GRID2: variants seen among roughly 807,000 people sequenced by gnomAD.
GRID2 encodes glutamate ionotropic receptor delta type subunit 2.
Under a neutral mutation model 114.8 loss-of-function variants are expected in GRID2, and 33 were observed. The ratio of observed to expected loss-of-function variants is 0.29; its 90% CI spans 0.22 to 0.38. The LOEUF (loss-of-function observed/expected upper bound fraction) is 0.38, where lower values mean the gene tolerates loss of function less well. Among genes scored for constraint, GRID2 ranks in the 10% least tolerant of loss-of-function variants. The pLI is 1.00. For missense variants in GRID2, 1,184 were observed against 1,257.7 expected (o/e 0.94, Z 0.89); for synonymous variants, 505 against 449.9 (o/e 1.12, Z -1.55).
chr4:92,779,194 GTGTGTGTGTGTGTGTA>G (rs1343153091), intron 2 of GRID2, among the ~76,000 whole-genome samples: 1 of 150,364 alleles, frequency 6.7e-6, no homozygotes, highest in African/African-American at 2.4e-5. Flanking sequence ...AAATGTGTGT[GTGTGTGTGTGTGTGTA>G]TGTGTGTGTG....
At chr4:93,406,467 G>A (rs185213386) in intron 9 of GRID2, among the ~76,000 whole-genome samples, 2 of 152,212 alleles carry the variant, frequency 1.3e-5, no homozygotes, top group South Asian at 2.1e-4. Context: ...AGAGGGAGCT[G>A]AGCAGGAAAA....
In GRID2 at chr4:92,842,043, C is replaced by T. The variant is rs533711299; in HGVS notation, c.245-242952C>T. 1.6e-4 allele frequency among the ~76,000 whole-genome samples: 24 copies of T among 152,116 alleles called. No individual in the cohort carries two copies. In the South Asian group the frequency reaches 4.4e-3, roughly 28 times the overall value. On this transcript the variant is annotated intron_variant, in intron 2 of 15. Coordinates refer to ENST00000282020, the MANE Select transcript of GRID2 (RefSeq NM_001510.4). Reference sequence around the variant, plus strand: ...GCAGTGTTTGCAACTTTACAAAACCCCTTAGGAAAAATCTAGGTGTCATCT... The same window carrying T: ...GCAGTGTTTGCAACTTTACAAAACCTCTTAGGAAAAATCTAGGTGTCATCT...
At chr4:93,348,274 G>C (rs755915349) in intron 8 of GRID2, among the ~76,000 whole-genome samples, 2 of 152,044 alleles carry the variant, frequency 1.3e-5, no homozygotes, top group Non-Finnish European at 2.9e-5. Flanking sequence ...TCATACACAT[G>C]TTATTGAAGG....
intron 14 of GRID2, among the ~76,000 whole-genome samples, chr4:93,699,328 C>A (rs1161795645): frequency 6.6e-6 from 1 of 151,892 alleles, no homozygotes; most frequent in Non-Finnish European, 1.5e-5. Context: ...CCCCAATTAA[C>A]CTTTTTAAAA....
At chr4:93,312,891 T>C (rs993260307) in intron 8 of GRID2, among the ~76,000 whole-genome samples, 1 of 152,172 alleles carries the variant, frequency 6.6e-6, no homozygotes, top group Non-Finnish European at 1.5e-5. Flanking sequence ...GAAGTTTCAT[T>C]AATAACTATA....
chr4:92,780,175 A>G (rs1354688315), intron 2 of GRID2, among the ~76,000 whole-genome samples: 1 of 152,168 alleles, frequency 6.6e-6, no homozygotes, highest in Non-Finnish European at 1.5e-5. Flanking sequence ...AATAGAGCAA[A>G]TAGTGGATAA....
intron 5 of GRID2, among the ~76,000 whole-genome samples, chr4:93,208,122 A>G (rs1000468238): frequency 1.3e-5 from 2 of 151,994 alleles, no homozygotes; most frequent in African/African-American, 2.4e-5. Context: ...TTTTTCCTCA[A>G]CAAGATGTAG....
intron 8 of GRID2, among the ~76,000 whole-genome samples, chr4:93,332,575 A>G (rs972531595): frequency 1.3e-5 from 2 of 152,132 alleles, no homozygotes; most frequent in East Asian, 1.9e-4. Context: ...TCCCTGTAGT[A>G]TCTACAAGAG....
rs1269371882 is a variant in GRID2, at chr4:92,365,927, A to C, written c.88+61183A>C. Among the ~76,000 whole-genome samples the C allele has an allele frequency of 3.3e-5, 5 of 152,048 alleles. No individual in the cohort carries two copies. The South Asian group carries it at 8.3e-4, about 25-fold the overall frequency. ...CCTCATTTACAAGAGCTGTTTCCTCATCTGAGAAATGAGAATAATAAAAAG... is the reference window on the plus strand; with the variant it reads ...CCTCATTTACAAGAGCTGTTTCCTCCTCTGAGAAATGAGAATAATAAAAAG... On this transcript the variant is annotated intron_variant, in intron 1 of 15. Coordinates refer to ENST00000282020, the MANE Select transcript of GRID2 (RefSeq NM_001510.4).
intron 1 of GRID2, among the ~76,000 whole-genome samples, chr4:92,353,624 T>G (rs1728178875): frequency 1.3e-5 from 2 of 152,034 alleles, no homozygotes; most frequent in African/African-American, 4.8e-5. Flanking sequence ...AGAAGTTTTC[T>G]TGAACACCAG....
At position 93,647,718 on chromosome 4, in the gene GRID2, G is replaced by A. The variant is rs902040447; in HGVS notation, c.2360+21283G>A. Among the ~76,000 whole-genome samples the A allele has an allele frequency of 2.0e-5, 3 of 152,072 alleles. 1 individual carries two copies. Among genetic ancestry groups the A allele is most frequent in the South Asian group, 4.1e-4 (2 of 4,832 alleles). ...TGATGGCTTAGACTGTGTACCTAAT[G>A]GGATGGAAGAAATGTTGGAAGGTAT... On this transcript the variant is annotated intron_variant, in intron 14 of 15. Coordinates refer to ENST00000282020, the MANE Select transcript of GRID2 (RefSeq NM_001510.4).
At chr4:92,319,019 C>T (rs899023923) in intron 1 of GRID2, among the ~76,000 whole-genome samples, 20 of 151,990 alleles carry the variant, frequency 1.3e-4, no homozygotes, top group African/African-American at 4.8e-4. Context: ...TGGCATATTT[C>T]GTGTTTTGAA....
At chr4:92,595,986 G>A (rs1474363223) in intron 2 of GRID2, among the ~76,000 whole-genome samples, 1 of 152,042 alleles carries the variant, frequency 6.6e-6, no homozygotes, top group Non-Finnish European at 1.5e-5. Context: ...GCTTTAATAT[G>A]ACATTTTTAC....
At chr4:93,093,923 A>G (rs62308207) in intron 3 of GRID2, among the ~76,000 whole-genome samples, 11,464 of 152,100 alleles carry the variant, frequency 0.075, 925 homozygotes, top group African/African-American at 0.2. Context: ...AGTAGCTACT[A>G]TCAAGTTCAA....
intron 8 of GRID2, chr4:93,306,028 A>G (rs1755384176): frequency 1.3e-5 from 2 of 152,146 alleles, no homozygotes; most frequent in Non-Finnish European, 2.9e-5. Flanking sequence ...TTGTTACCTG[A>G]TTATATACAT....
chr4:93,021,836 TA>T (rs927427075), intron 2 of GRID2, among the ~76,000 whole-genome samples: 12 of 146,258 alleles, frequency 8.2e-5, no homozygotes, highest in Middle Eastern at 3.7e-3. Context: ...TAATAAATAT[TA>T]TTTTTAAATA....
intron 2 of GRID2, among the ~76,000 whole-genome samples, chr4:92,820,410 C>T (rs899930305): frequency 1.3e-5 from 2 of 152,076 alleles, no homozygotes; most frequent in African/African-American, 4.8e-5. Context: ...GTTAAGATAG[C>T]AGAAACCTAA....
At chr4:93,073,040 G>C (rs185917421) in intron 2 of GRID2, among the ~76,000 whole-genome samples, 1 of 152,192 alleles carries the variant, frequency 6.6e-6, no homozygotes, top group African/African-American at 2.4e-5. Context: ...AGTGTGAGCA[G>C]TTTGTCTCTC....
At chr4:93,367,166 G>A (rs1762420144) in intron 8 of GRID2, among the ~76,000 whole-genome samples, 1 of 147,776 alleles carries the variant, frequency 6.8e-6, no homozygotes, top group South Asian at 2.2e-4. Flanking sequence ...TCTCTAACTT[G>A]AATTATGGAG....
Sources: allele counts gnomAD v4.1 joint callset (sites outside exome capture counted in the v4.1 genomes callset), GRCh38; gene constraint gnomAD v4.1.1; transcripts MANE v1.5; gene names NCBI Gene and HGNC (gene_info 2026-07-23, HGNC 2026-07-21).